The following TBC1D5 variants were observed in gnomAD, a reference collection of about 807,000 sequenced individuals.
TBC1D5 encodes the protein TBC1 domain family, member 5.
TBC1D5 carries 75 observed loss-of-function variants against 100.3 expected under a neutral mutation model. The observed-to-expected ratio is 0.75, with a 90% CI of 0.62 to 0.91. The LOEUF is 0.91. TBC1D5 is among the 40% of genes least tolerant of loss of function. TBC1D5 has a pLI of 0.00. For synonymous variants in TBC1D5, 323 were observed against 325.6 expected, an observed-to-expected ratio of 0.99 and a Z score of 0.09; for missense variants, 910 against 942.4, an observed-to-expected ratio of 0.97 and a Z score of 0.45.
At chr3:17,352,069 C>T (rs372128919) in intron 13 of TBC1D5, among the ~76,000 whole-genome samples, 3 of 151,098 alleles carry the variant, frequency 2.0e-5, no homozygotes, top group Admixed American at 2.0e-4. Context: ...ACCCCATGAA[C>T]CCAGATAATC....
intron 19 of TBC1D5, among the ~76,000 whole-genome samples, chr3:17,175,247 G>T (rs1444018065): frequency 6.6e-6 from 1 of 152,184 alleles, no homozygotes; most frequent in Non-Finnish European, 1.5e-5. Context: ...ACATTACTTA[G>T]GAAAATCTAA....
chr3:17,367,329 A>G lies in TBC1D5; in HGVS notation c.995+4746T>C, dbSNP rs187346129. Among the ~76,000 whole-genome samples the G allele has an allele frequency of 4.3e-4, 66 of 152,248 alleles. 1 individual carries two copies. Among genetic ancestry groups the G allele is most frequent in the Non-Finnish European group, 7.9e-4 (54 of 67,998 alleles). On this transcript the variant is annotated intron_variant, in intron 13 of 21. Coordinates refer to ENST00000253692, the Ensembl canonical transcript of TBC1D5. ...GATCAGTGATAGAATTGTAACGCAAATATTTTAGATGCTTTTGCACAAAAA... is the reference window on the plus strand; with the variant it reads ...GATCAGTGATAGAATTGTAACGCAAGTATTTTAGATGCTTTTGCACAAAAA...
At chr3:17,578,410 CCAA>C (rs1364585855) in intron 2 of TBC1D5, among the ~76,000 whole-genome samples, 1 of 151,928 alleles carries the variant, frequency 6.6e-6, no homozygotes, top group African/African-American at 2.4e-5. Context: ...AGATTTGTTG[CCAA>C]CAACTGAAAG....
At chr3:17,295,653 T>G (rs957753447) in intron 14 of TBC1D5, among the ~76,000 whole-genome samples, 14 of 152,234 alleles carry the variant, frequency 9.2e-5, no homozygotes, top group Non-Finnish European at 1.9e-4. Flanking sequence ...ATTGTAATGT[T>G]TGTAAATACA....
At chr3:17,696,450 C>G (rs1250496441) in intron 1 of TBC1D5, among the ~76,000 whole-genome samples, 1 of 152,128 alleles carries the variant, frequency 6.6e-6, no homozygotes, top group African/African-American at 2.4e-5. Context: ...TACAAACTAC[C>G]ATCAGAGGAT....
At position 17,404,860 on chromosome 3, in the gene TBC1D5, C is replaced by T; in HGVS notation, c.366+12G>A. On this transcript the variant is annotated intron_variant, in intron 6 of 21. Transcript: ENST00000253692. ...AAAACAATTACATTAATTAAATATA[C>T]TATTTACTTACTATTTCTTTAATGT... is the stretch of plus-strand genomic sequence containing the variant. 2.6e-6 allele frequency: 4 copies of T among 1,541,112 alleles called. No individual in the cohort carries two copies. The highest frequency in any genetic ancestry group is 3.5e-6 in the Non-Finnish European group (4 of 1,128,720).
intron 2 of TBC1D5, among the ~76,000 whole-genome samples, chr3:17,564,856 A>T (rs2096583850): frequency 6.6e-6 from 1 of 152,180 alleles, no homozygotes; most frequent in South Asian, 2.1e-4. Context: ...CACAATGCAC[A>T]GTAGTACCAT....
intron 1 of TBC1D5, among the ~76,000 whole-genome samples, chr3:17,688,644 C>T (rs986794611): frequency 6.6e-6 from 1 of 152,178 alleles, no homozygotes; most frequent in African/African-American, 2.4e-5. Context: ...TCTCTGTGCC[C>T]AACTTGTATT....
intron 17 of TBC1D5, among the ~76,000 whole-genome samples, chr3:17,222,004 T>C (rs2074343076): frequency 6.6e-6 from 1 of 152,194 alleles, no homozygotes; most frequent in South Asian, 2.1e-4. Context: ...TGTTAGTATT[T>C]TTCTCTCATT....
intron 3 of TBC1D5, among the ~76,000 whole-genome samples, chr3:17,479,341 T>C (rs2095474319): frequency 6.6e-6 from 1 of 152,176 alleles, no homozygotes; most frequent in South Asian, 2.1e-4. Flanking sequence ...AGGTTGAGAC[T>C]GCAGTGAACT....
intron 13 of TBC1D5, among the ~76,000 whole-genome samples, chr3:17,322,496 G>A (rs2085543403): frequency 2.0e-5 from 3 of 152,140 alleles, no homozygotes; most frequent in Non-Finnish European, 4.4e-5. Flanking sequence ...GACATAAGGG[G>A]GAAAAACCCC....
At chr3:17,458,459 G>A (rs1230479997) in intron 3 of TBC1D5, among the ~76,000 whole-genome samples, 1 of 152,142 alleles carries the variant, frequency 6.6e-6, no homozygotes, top group East Asian at 1.9e-4. Context: ...TCATAAACAA[G>A]CCTGCAAGAG....
chr3:17,496,723 T>C (rs1250869039), intron 3 of TBC1D5, among the ~76,000 whole-genome samples: 10 of 152,098 alleles, frequency 6.6e-5, no homozygotes, highest in Non-Finnish European at 1.5e-4. Context: ...ACAACAACTC[T>C]CAGTAAATCA....
At position 17,529,305 on chromosome 3, in the gene TBC1D5, A is replaced by C. The variant is rs566100543; in HGVS notation, c.-35-20700T>G. Among the ~76,000 whole-genome samples, 3 of 152,314 alleles carry C rather than the reference A, an allele frequency of 2.0e-5. No individual in the cohort carries two copies. In the East Asian group the frequency reaches 5.8e-4, roughly 29 times the overall value. ...TTCTTTCCAGCCGCAGAGCCTTTAC[A>C]AAAGTTTCTTCTTCAGCTTGCAATA... On this transcript the variant is annotated intron_variant, in intron 2 of 21. Transcript: ENST00000253692.
intron 2 of TBC1D5, among the ~76,000 whole-genome samples, chr3:17,540,579 T>G (rs2096341522): frequency 6.6e-6 from 1 of 152,086 alleles, no homozygotes. Context: ...AAAGACTATC[T>G]TTTCTCCACT....
intron 21 of TBC1D5, 151 bp downstream of exon 22, chr3:17,166,616 A>G (rs916254888): frequency 1.9e-6 from 2 of 1,040,640 alleles, no homozygotes; most frequent in Non-Finnish European, 1.3e-6. Context: ...CAGAGTGCAC[A>G]GCCTGCACAG....
chr3:17,324,853 T>C (rs991995802), intron 13 of TBC1D5, among the ~76,000 whole-genome samples: 2 of 152,082 alleles, frequency 1.3e-5, no homozygotes, highest in African/African-American at 4.8e-5. Context: ...AAAAAGATGT[T>C]CAATGTGATT....
At chr3:17,232,692 A>T (rs906056122) in intron 17 of TBC1D5, among the ~76,000 whole-genome samples, 4 of 152,078 alleles carry the variant, frequency 2.6e-5, no homozygotes, top group Non-Finnish European at 4.4e-5. Context: ...CTATTGCCAC[A>T]ATGTGGTGGG....
At chr3:17,183,233 G>A (rs1408470267) in intron 19 of TBC1D5, among the ~76,000 whole-genome samples, 2 of 152,128 alleles carry the variant, frequency 1.3e-5, no homozygotes, top group African/African-American at 2.4e-5. Context: ...TTAACTGCTC[G>A]TTCCTTCCCT....
Sources: allele counts gnomAD v4.1 joint callset (sites outside exome capture counted in the v4.1 genomes callset), GRCh38; gene constraint gnomAD v4.1.1; transcripts MANE v1.5; gene names NCBI Gene and HGNC (gene_info 2026-07-23, HGNC 2026-07-21).